Variants in HDAC9 observed in about 807,000 individuals in gnomAD.
The protein encoded by HDAC9 is MEF-2 interacting transcription repressor (MITR) protein.
In HDAC9, 41 loss-of-function variants were observed where a neutral mutation model predicts 139.4. That is an observed-to-expected ratio of 0.29 (90% confidence interval 0.23 to 0.38). The LOEUF is 0.38. Ranked by LOEUF, HDAC9 falls within the 10% of genes least tolerant of loss-of-function variation. The probability of loss-of-function intolerance (pLI) is 1.00; values close to 1 mark genes in which losing one functional copy is unlikely to be tolerated. For missense variants in HDAC9, 1,147 were observed against 1,297.0 expected (o/e 0.88, Z 1.78); for synonymous variants, 517 against 476.2 (o/e 1.09, Z -1.12).
chr7:18,993,565 G>T (rs1470960155), intron 25 of HDAC9, among the ~76,000 whole-genome samples: 3 of 152,152 alleles, frequency 2.0e-5, no homozygotes, highest in African/African-American at 7.2e-5. Flanking sequence ...ATTTTGGAAG[G>T]CTAAAGCAGG....
chr7:18,237,591 G>T (rs1793907284), intron 2 of HDAC9, among the ~76,000 whole-genome samples: 1 of 152,162 alleles, frequency 6.6e-6, no homozygotes, highest in South Asian at 2.1e-4. Context: ...GCACACTAGG[G>T]AGTTAATGGT....
chr7:18,896,655 C>T (rs960166485), intron 22 of HDAC9, among the ~76,000 whole-genome samples: 1 of 152,068 alleles, frequency 6.6e-6, no homozygotes, highest in Non-Finnish European at 1.5e-5. Flanking sequence ...TAATAAAACT[C>T]CATGCCAGAC....
intron 1 of HDAC9, among the ~76,000 whole-genome samples, chr7:18,373,330 G>C (rs1346813104): frequency 6.6e-6 from 1 of 151,884 alleles, no homozygotes; most frequent in African/African-American, 2.4e-5. Context: ...TATGGTTTTA[G>C]AACATTTTTA....
At chr7:18,700,609 AC>A (rs1456584192) in intron 12 of HDAC9, among the ~76,000 whole-genome samples, 1 of 152,204 alleles carries the variant, frequency 6.6e-6, no homozygotes, top group Non-Finnish European at 1.5e-5. Flanking sequence ...CATAATGAAA[AC>A]AATAAACACG....
chr7:18,661,198 GA>G (rs1459804905), intron 11 of HDAC9, among the ~76,000 whole-genome samples: 11 of 152,086 alleles, frequency 7.2e-5, no homozygotes, highest in Non-Finnish European at 1.2e-4. Context: ...CAAATTAAAT[GA>G]AAAAGATGAG....
At chr7:18,783,061 T>C (rs1292414287) in intron 16 of HDAC9, among the ~76,000 whole-genome samples, 1 of 152,112 alleles carries the variant, frequency 6.6e-6, no homozygotes, top group African/African-American at 2.4e-5. Flanking sequence ...TTTAAAAGTA[T>C]ATTTAAAGCC....
intron 22 of HDAC9, chr7:18,899,320 G>C (rs1343647193): frequency 6.6e-6 from 1 of 151,808 alleles, no homozygotes; most frequent in Non-Finnish European, 1.5e-5. Flanking sequence ...TGATGTACTG[G>C]TATAATTTTT....
chr7:18,201,518 C>T (rs1306613469), intron 2 of HDAC9, among the ~76,000 whole-genome samples: 1 of 152,186 alleles, frequency 6.6e-6, no homozygotes, highest in Non-Finnish European at 1.5e-5. Flanking sequence ...ACTGCAGGTT[C>T]CTGGTCCAGC....
At chr7:18,428,803 T>TC (rs1790360243) in intron 1 of HDAC9, among the ~76,000 whole-genome samples, 1 of 151,994 alleles carries the variant, frequency 6.6e-6, no homozygotes, top group Non-Finnish European at 1.5e-5. Flanking sequence ...AATCTGTGGC[T>TC]CCCCTCACTC....
At chr7:18,664,622 T>C (rs1794257708) in intron 11 of HDAC9, among the ~76,000 whole-genome samples, 2 of 152,124 alleles carry the variant, frequency 1.3e-5, no homozygotes, top group African/African-American at 4.8e-5. Flanking sequence ...CCCACCCTTA[T>C]TTCCGCCCCT....
At chr7:18,219,321 A>T (rs1019529543) in intron 2 of HDAC9, among the ~76,000 whole-genome samples, 1 of 152,142 alleles carries the variant, frequency 6.6e-6, no homozygotes, top group Non-Finnish European at 1.5e-5. Context: ...CATTAAGGCT[A>T]TACAATGGGA....
chr7:18,831,095 A>G (rs1031642346), intron 19 of HDAC9, among the ~76,000 whole-genome samples: 1 of 151,984 alleles, frequency 6.6e-6, no homozygotes, highest in Non-Finnish European at 1.5e-5. Flanking sequence ...TGTCAAAATT[A>G]TGTAAGAAGG....
At chr7:18,611,897 T>G (rs1003986327) in intron 6 of HDAC9, among the ~76,000 whole-genome samples, 1 of 152,172 alleles carries the variant, frequency 6.6e-6, no homozygotes, top group South Asian at 2.1e-4. Flanking sequence ...CACAAATTTT[T>G]GTTTTCTTTC....
At chr7:18,672,958 T>TA (rs1336238862) in intron 12 of HDAC9, among the ~76,000 whole-genome samples, 1 of 152,074 alleles carries the variant, frequency 6.6e-6, no homozygotes, top group Non-Finnish European at 1.5e-5. Flanking sequence ...TAACTTTTGA[T>TA]ACTGTTACTT....
chr7:18,777,106 T>G (rs1232443224), intron 16 of HDAC9, among the ~76,000 whole-genome samples: 3 of 151,990 alleles, frequency 2.0e-5, no homozygotes, highest in African/African-American at 7.2e-5. Context: ...GCACACTTAC[T>G]CAGGCACTCA....
In HDAC9 at chr7:18,245,055, A is replaced by G. The variant is rs987438120; in HGVS notation, c.25+82706A>G. 2.0e-5 allele frequency among the ~76,000 whole-genome samples: 3 copies of G among 148,432 alleles called. No individual in the cohort carries two copies. In the Admixed American group the frequency reaches 2.0e-4, roughly 10 times the overall value. On this transcript the variant is annotated intron_variant, in intron 2 of 12. Transcript: ENST00000417496. ...CATTCCAAGCTTATTCAGTTCTAGAAAATGGAGGAGGGATGGAACTCAGTC... is the reference window on the plus strand; with the variant it reads ...CATTCCAAGCTTATTCAGTTCTAGAGAATGGAGGAGGGATGGAACTCAGTC...
chr7:18,982,927 A>C lies in HDAC9; in HGVS notation c.3170+6974A>C, dbSNP rs564004883. 2.6e-5 allele frequency among the ~76,000 whole-genome samples: 4 copies of C among 152,326 alleles called. No homozygotes were observed. The East Asian group carries it at 7.7e-4, about 29-fold the overall frequency. On this transcript the variant is annotated intron_variant, in intron 25 of 25. Coordinates refer to ENST00000686413, the MANE Select transcript of HDAC9 (RefSeq NM_178425.4). Reference sequence around the variant, plus strand: ...TGCTTACACTTTGAGGGCTATTATGAATAAAGCTGATCAATTAATTATTAT... The same window carrying C: ...TGCTTACACTTTGAGGGCTATTATGCATAAAGCTGATCAATTAATTATTAT...
intron 1 of HDAC9, among the ~76,000 whole-genome samples, chr7:18,367,044 G>A (rs1017841748): frequency 6.6e-6 from 1 of 151,932 alleles, no homozygotes; most frequent in South Asian, 2.1e-4. Flanking sequence ...ATCTGTATGA[G>A]ATTTTTTCAT....
intron 9 of HDAC9, among the ~76,000 whole-genome samples, chr7:18,647,062 A>G (rs1341508317): frequency 2.6e-5 from 4 of 152,178 alleles, no homozygotes; most frequent in Non-Finnish European, 5.9e-5. Flanking sequence ...TGAAATTATT[A>G]GAAGCCATGT....
Sources: allele counts gnomAD v4.1 joint callset (sites outside exome capture counted in the v4.1 genomes callset), GRCh38; gene constraint gnomAD v4.1.1; transcripts MANE v1.5; gene names NCBI Gene and HGNC (gene_info 2026-07-23, HGNC 2026-07-21).